Variants in KIF5C observed in about 807,000 individuals in gnomAD.
KIF5C encodes the protein kinesin heavy chain isoform 5C.
KIF5C carries 18 observed loss-of-function variants against 125.2 expected under a neutral mutation model. That is an observed-to-expected ratio of 0.14 (90% CI 0.10 to 0.21). The LOEUF is 0.21. KIF5C is among the 10% of genes least tolerant of loss of function. The probability of loss-of-function intolerance (pLI) is 1.00; values close to 1 mark genes in which losing one functional copy is unlikely to be tolerated. For synonymous variants in KIF5C, 405 were observed against 434.0 expected, an observed-to-expected ratio of 0.93 and a Z score of 0.83; for missense variants, 780 against 1,183.8, an observed-to-expected ratio of 0.66 and a Z score of 5.01.
chr2:148,997,080 G>A (rs1285848748), intron 17 of KIF5C, among the ~76,000 whole-genome samples, 184 bp from the exon 18 acceptor site: 3 of 152,252 alleles, frequency 2.0e-5, no homozygotes, highest in Non-Finnish European at 4.4e-5. Flanking sequence ...AATGCTTCAG[G>A]AGGGGGCAGC....
intron 1 of KIF5C, among the ~76,000 whole-genome samples, chr2:148,910,062 A>C (rs1681270789): frequency 6.6e-6 from 1 of 152,348 alleles, no homozygotes; most frequent in South Asian, 2.1e-4. Context: ...CTATTAATTC[A>C]AAATGTGACA....
At chr2:148,997,377 C>T (rs1681704237) in intron 18 of KIF5C, 37 bp downstream of exon 18, 1 of 1,613,252 alleles carries the variant, frequency 6.2e-7, no homozygotes, top group East Asian at 2.2e-5. Context: ...GCCCAGTGTG[C>T]ATTTGATGCA....
At chr2:148,971,391 A>G (rs1327189087) in intron 11 of KIF5C, among the ~76,000 whole-genome samples, 1 of 152,114 alleles carries the variant, frequency 6.6e-6, no homozygotes, top group Non-Finnish European at 1.5e-5. Flanking sequence ...CAGCTTTTAT[A>G]GCCCATGGAT....
intron 1 of KIF5C, among the ~76,000 whole-genome samples, chr2:148,910,582 A>T (rs928048516): frequency 2.0e-5 from 3 of 152,218 alleles, no homozygotes; most frequent in African/African-American, 7.2e-5. Flanking sequence ...ACACGGTCAA[A>T]TCATTGAGAT....
intron 1 of KIF5C, among the ~76,000 whole-genome samples, chr2:148,909,074 C>A (rs1015284673): frequency 1.6e-4 from 24 of 152,324 alleles, no homozygotes; most frequent in Admixed American, 1.5e-3. Context: ...CACAGAGCAG[C>A]CAAAACAGAA....
chr2:148,901,294 G>A (rs11900471), intron 1 of KIF5C, among the ~76,000 whole-genome samples: 29,031 of 152,078 alleles, frequency 0.19, 4,845 homozygotes, highest in African/African-American at 0.45. Context: ...GCCACCTTTT[G>A]TAGCACAAAG....
chr2:148,998,534 G>A, intron 19 of KIF5C, 25 bp downstream of exon 19: 8 of 1,551,500 alleles, frequency 5.2e-6, no homozygotes, highest in South Asian at 1.2e-5. Context: ...GGCACCAGGG[G>A]TGTGGGGGTG....
At chr2:148,880,418 G>T (rs1449591134) in intron 1 of KIF5C, among the ~76,000 whole-genome samples, 1 of 152,204 alleles carries the variant, frequency 6.6e-6, no homozygotes, top group Non-Finnish European at 1.5e-5. Flanking sequence ...ACCATGCTCG[G>T]CTTGTTTCCA....
intron 23 of KIF5C, among the ~76,000 whole-genome samples, 152 bp downstream of exon 23, chr2:149,008,219 A>G (rs576416343): frequency 6.6e-6 from 1 of 152,350 alleles, no homozygotes; most frequent in African/African-American, 2.4e-5. Flanking sequence ...AAAGGTCCTT[A>G]CAAATCCTTT....
Position 148,953,126 on chromosome 2 carries a change from C to G in KIF5C, c.968+2664C>G, listed in dbSNP as rs571429019. Among the ~76,000 whole-genome samples the G allele has an allele frequency of 2.6e-5, 4 of 152,330 alleles. No homozygotes were observed. The East Asian group carries it at 5.8e-4, about 22-fold the overall frequency. ...TTATCAGAGTCATCTAGATTCTGCTCTCTGTGACAGCAGGGACTGAGTTTG... is the reference window on the plus strand; with the variant it reads ...TTATCAGAGTCATCTAGATTCTGCTGTCTGTGACAGCAGGGACTGAGTTTG... On this transcript the variant is annotated intron_variant, in intron 10 of 25. Coordinates refer to ENST00000435030, the MANE Select transcript of KIF5C (RefSeq NM_004522.3).
At chr2:148,942,901 A>T in intron 7 of KIF5C, 141 bp downstream of exon 7, 5 of 1,417,256 alleles carry the variant, frequency 3.5e-6, no homozygotes, top group Non-Finnish European at 4.8e-6. Context: ...CACAGACGCC[A>T]GGGTATGTGT....
rs1409854930 is a variant in KIF5C at position 148,924,577 on chromosome 2, CT to C, written c.217+2352del. Reference sequence around the variant, plus strand: ...CTGGTGTTTGTTTTTCAAAATTTTGCTTGAAAAAGCATGTAGAATTCTCCTC... The same window carrying C: ...CTGGTGTTTGTTTTTCAAAATTTTGCTGAAAAAGCATGTAGAATTCTCCTC... On this transcript the variant is annotated intron_variant, in intron 2 of 25. Transcript: ENST00000435030. This position sits in a 1 kb window ranked among gnomAD's most constrained non-coding sequence, Gnocchi z 4.0. Among the ~76,000 whole-genome samples the C allele has an allele frequency of 6.6e-6, 1 of 152,134 alleles. No homozygotes were observed. Among genetic ancestry groups the C allele is most frequent in the Non-Finnish European group, 1.5e-5 (1 of 68,018 alleles).
In KIF5C at chr2:149,000,824, CG is replaced by C. The variant is rs374974916; in HGVS notation, c.2373+44del. ...CCCGATTTATGTTTGTCTCCAAGACCGGATTCATTTGTGATTTGTCGGATTA... is the reference window on the plus strand; with the variant it reads ...CCCGATTTATGTTTGTCTCCAAGACCGATTCATTTGTGATTTGTCGGATTA... On this transcript the variant is annotated intron_variant, in intron 21 of 25. Coordinates refer to ENST00000435030, the MANE Select transcript of KIF5C (RefSeq NM_004522.3). 3 of 1,606,958 alleles carry C rather than the reference CG, an allele frequency of 1.9e-6. No individual in the cohort carries two copies. The East Asian group carries it at 6.7e-5, about 36-fold the overall frequency.
intron 3 of KIF5C, among the ~76,000 whole-genome samples, chr2:148,929,701 C>T (rs1682126850): frequency 6.6e-6 from 1 of 151,992 alleles, no homozygotes; most frequent in Non-Finnish European, 1.5e-5. Context: ...TGATGAAGGC[C>T]CCCGGGGAGG....
chr2:148,968,984 C>T (rs1004005932), intron 11 of KIF5C, among the ~76,000 whole-genome samples: 1 of 152,156 alleles, frequency 6.6e-6, no homozygotes, highest in Non-Finnish European at 1.5e-5. Flanking sequence ...ACCAGCAAAT[C>T]TCTGCTCTGG....
At chr2:148,899,373 A>G (rs1225729572) in intron 1 of KIF5C, among the ~76,000 whole-genome samples, 1 of 152,194 alleles carries the variant, frequency 6.6e-6, no homozygotes. Flanking sequence ...ATTCTCTTAA[A>G]TGAGAACATC....
At chr2:149,008,373 C>T (rs949957211) in intron 23 of KIF5C, among the ~76,000 whole-genome samples, 1 of 152,188 alleles carries the variant, frequency 6.6e-6, no homozygotes, top group Non-Finnish European at 1.5e-5. Context: ...TGACTTTGGA[C>T]ACCATCTAGC....
intron 14 of KIF5C, among the ~76,000 whole-genome samples, 182 bp from the exon 15 acceptor site, chr2:148,983,438 A>T (rs996205166): frequency 6.6e-6 from 1 of 152,230 alleles, no homozygotes; most frequent in Non-Finnish European, 1.5e-5. Context: ...CAACTTGTTG[A>T]TAAAGAGTTC....
intron 8 of KIF5C, chr2:148,948,022 A>C: frequency 2.2e-6 from 1 of 456,636 alleles, no homozygotes; most frequent in Admixed American, 2.3e-5. Context: ...GCAGAAAGTC[A>C]TCCGGGTATT....
Sources: gnomAD v4.1 joint callset for allele counts (sites outside exome capture counted in the v4.1 genomes callset) on GRCh38, gnomAD v4.1.1 for gene constraint, Gnocchi (gnomAD v3.1) non-coding constraint, MANE v1.5 for transcripts, NCBI Gene and HGNC (gene_info 2026-07-23, HGNC 2026-07-21) for gene names.